ZNF804A: variants seen among roughly 807,000 people sequenced by gnomAD.
The protein encoded by ZNF804A is zinc finger protein 804A.
A neutral mutation model predicts 16.5 loss-of-function variants in ZNF804A; 2 were observed. The observed-to-expected ratio is 0.12, with a 90% CI of 0.05 to 0.38. The LOEUF is 0.38. ZNF804A is among the 10% of genes least tolerant of loss of function. The pLI is 0.99. For missense variants in ZNF804A, 1,473 were observed against 1,390.7 expected (o/e 1.06, Z -0.94); for synonymous variants, 534 against 489.6 (o/e 1.09, Z -1.20).
intron 2 of ZNF804A, among the ~76,000 whole-genome samples, chr2:184,896,881 G>A (rs1405841066): frequency 2.6e-5 from 4 of 151,086 alleles, no homozygotes; most frequent in Non-Finnish European, 5.9e-5. Context: ...TTCCTTTTGT[G>A]AATAGTTTTA....
intron 1 of ZNF804A, among the ~76,000 whole-genome samples, chr2:184,770,435 A>G (rs571249933): frequency 4.4e-4 from 67 of 152,222 alleles, no homozygotes; most frequent in African/African-American, 1.5e-3. Flanking sequence ...ATTAGTAGCC[A>G]TATATTGCAG....
At chr2:184,802,769 A>G (rs1438669433) in intron 1 of ZNF804A, among the ~76,000 whole-genome samples, 5 of 152,234 alleles carry the variant, frequency 3.3e-5, no homozygotes, top group Non-Finnish European at 7.3e-5. Context: ...CCCTGCTCAT[A>G]CAGTTTTAAT....
chr2:184,677,007 G>A (rs938207462), intron 1 of ZNF804A, among the ~76,000 whole-genome samples: 3 of 151,494 alleles, frequency 2.0e-5, no homozygotes, highest in Admixed American at 2.0e-4. Flanking sequence ...TATTATATTT[G>A]GAGTTAAAAA....
At chr2:184,925,860 G>T (rs536007074) in intron 2 of ZNF804A, among the ~76,000 whole-genome samples, 15 of 151,746 alleles carry the variant, frequency 9.9e-5, no homozygotes, top group Admixed American at 5.3e-4. Context: ...CTATAACTTT[G>T]TTCCCCTCCT....
chr2:184,881,819 T>C (rs1684813902), intron 2 of ZNF804A, among the ~76,000 whole-genome samples: 1 of 151,970 alleles, frequency 6.6e-6, no homozygotes, highest in African/African-American at 2.4e-5. Context: ...GAAACACTAT[T>C]ATTAGCCACT....
chr2:184,681,912 C>T (rs1426749270), intron 1 of ZNF804A, among the ~76,000 whole-genome samples: 1 of 152,246 alleles, frequency 6.6e-6, no homozygotes, highest in East Asian at 1.9e-4. Flanking sequence ...GGCCTCTACT[C>T]ACTCCTGGCA....
chr2:184,906,595 C>G (rs1363302653), intron 2 of ZNF804A, among the ~76,000 whole-genome samples: 1 of 152,100 alleles, frequency 6.6e-6, no homozygotes, highest in Non-Finnish European at 1.5e-5. Context: ...GCCACCATGC[C>G]TGGAACATTT....
At chr2:184,622,777 A>T (rs1691439260) in intron 1 of ZNF804A, among the ~76,000 whole-genome samples, 2 of 152,024 alleles carry the variant, frequency 1.3e-5, no homozygotes, top group African/African-American at 4.8e-5. Flanking sequence ...TAATTTAAGT[A>T]AATTAGCCTG....
chr2:184,855,424 T>C (rs1217243497), intron 1 of ZNF804A, among the ~76,000 whole-genome samples: 2 of 152,052 alleles, frequency 1.3e-5, no homozygotes, highest in Non-Finnish European at 2.9e-5. Context: ...GATTTTGTTA[T>C]TTCTTGAAAA....
chr2:184,769,081 G>T (rs1694172796), intron 1 of ZNF804A, among the ~76,000 whole-genome samples: 1 of 151,964 alleles, frequency 6.6e-6, no homozygotes. Context: ...TTCATGTCTT[G>T]TGTAGAGGGA....
chr2:184,639,915 T>G (rs1473926424), intron 1 of ZNF804A, among the ~76,000 whole-genome samples: 1 of 152,198 alleles, frequency 6.6e-6, no homozygotes, highest in Non-Finnish European at 1.5e-5. Context: ...GGCAGGAGAA[T>G]GGTGTGAACC....
intron 1 of ZNF804A, among the ~76,000 whole-genome samples, chr2:184,769,800 G>C (rs941764685): frequency 1.3e-5 from 2 of 152,062 alleles, no homozygotes; most frequent in Middle Eastern, 3.4e-3. Flanking sequence ...TGTGTTCTTT[G>C]CATTCATCTT....
chr2:184,819,522 G>A lies in ZNF804A; in HGVS notation c.112-46847G>A, dbSNP rs1356222639. Among the ~76,000 whole-genome samples the A allele has an allele frequency of 3.3e-5, 5 of 151,666 alleles. No homozygotes were observed. In the East Asian group the frequency reaches 9.7e-4, roughly 29 times the overall value. ...ACAACAAAAGTAACTAGAGAACCAA[G>A]AGAAAACAAACCCAAAATCTAGCAG... is the stretch of plus-strand genomic sequence containing the variant. On this transcript the variant is annotated intron_variant, in intron 1 of 3. Transcript: ENST00000302277.
intron 1 of ZNF804A, among the ~76,000 whole-genome samples, chr2:184,773,916 A>G (rs922910624): frequency 3.3e-5 from 5 of 151,996 alleles, no homozygotes; most frequent in Non-Finnish European, 7.4e-5. Flanking sequence ...GTGTTAATGT[A>G]AAGTCAGGAG....
chr2:184,771,700 T>C (rs2105768897), intron 1 of ZNF804A, among the ~76,000 whole-genome samples: 1 of 152,188 alleles, frequency 6.6e-6, no homozygotes, highest in East Asian at 1.9e-4. Flanking sequence ...TTCACTACCT[T>C]ATTGTTAGAG....
chr2:184,863,566 A>G (rs1380151077), intron 1 of ZNF804A, among the ~76,000 whole-genome samples: 1 of 151,568 alleles, frequency 6.6e-6, no homozygotes, highest in Non-Finnish European at 1.5e-5. Flanking sequence ...AAAAAAAAAA[A>G]CACCTTACAA....
At chr2:184,870,085 C>T (rs531439449) in intron 2 of ZNF804A, among the ~76,000 whole-genome samples, 1 of 152,062 alleles carries the variant, frequency 6.6e-6, no homozygotes, top group Non-Finnish European at 1.5e-5. Context: ...ATGCCCTTAT[C>T]TTCCCGGTGT....
chr2:184,824,313 G>A (rs1695128116), intron 1 of ZNF804A, among the ~76,000 whole-genome samples: 2 of 152,056 alleles, frequency 1.3e-5, no homozygotes, highest in Non-Finnish European at 2.9e-5. Flanking sequence ...CACATCTCGT[G>A]TATGTCAAAC....
intron 1 of ZNF804A, among the ~76,000 whole-genome samples, chr2:184,842,940 C>G (rs764860416): frequency 1.3e-5 from 2 of 152,162 alleles, no homozygotes; most frequent in Non-Finnish European, 2.9e-5. Context: ...TGAAAAGTTA[C>G]TGTTTCTACT....
Sources: allele counts gnomAD v4.1 joint callset (sites outside exome capture counted in the v4.1 genomes callset), GRCh38; gene constraint gnomAD v4.1.1; transcripts MANE v1.5; gene names NCBI Gene and HGNC (gene_info 2026-07-23, HGNC 2026-07-21).